SMC6: variants seen among roughly 807,000 people sequenced by gnomAD.
SMC6 encodes structural maintenance of chromosomes protein 6.
In SMC6, 79 loss-of-function variants were observed where a neutral mutation model predicts 142.2. The ratio of observed to expected loss-of-function variants is 0.56; its 90% CI spans 0.46 to 0.67. The LOEUF (loss-of-function observed/expected upper bound fraction) is 0.67, where lower values mean the gene tolerates loss of function less well. Ranked by LOEUF, SMC6 falls within the 30% of genes least tolerant of loss-of-function variation. SMC6 has a pLI of 0.00. For synonymous variants in SMC6, 411 were observed against 412.4 expected (o/e 1.00, Z 0.04); for missense variants, 1,072 against 1,284.0 (o/e 0.83, Z 2.52).
At chr2:17,716,597 G>A (rs892602416) in intron 14 of SMC6, 144 bp downstream of exon 14, 2 of 857,638 alleles carry the variant, frequency 2.3e-6, no homozygotes, top group South Asian at 4.0e-5. Flanking sequence ...GCTCTGCAAA[G>A]TATTTAACAT....
intron 21 of SMC6, among the ~76,000 whole-genome samples, chr2:17,697,945 G>C (rs913205876): frequency 3.0e-4 from 45 of 152,154 alleles, no homozygotes; most frequent in African/African-American, 1.1e-3. Flanking sequence ...ATGTGAACAT[G>C]ACTAGGCAAT....
chr2:17,715,205 T>C (rs1237976390), intron 15 of SMC6, 140 bp from the exon 16 acceptor site: 4 of 781,054 alleles, frequency 5.1e-6, no homozygotes, highest in Non-Finnish European at 8.1e-6. Context: ...CATTTAATCA[T>C]AGTTTATAAA....
intron 23 of SMC6, among the ~76,000 whole-genome samples, chr2:17,684,216 G>A (rs554321902): frequency 5.9e-5 from 9 of 152,128 alleles, no homozygotes; most frequent in Non-Finnish European, 1.3e-4. Flanking sequence ...AGGCAGAGAT[G>A]GCATGGCTAC....
chr2:17,673,996 C>T (rs1342080751), intron 25 of SMC6, among the ~76,000 whole-genome samples: 2 of 152,188 alleles, frequency 1.3e-5, no homozygotes, highest in Admixed American at 1.3e-4. Flanking sequence ...TTTATGCACA[C>T]AGGTAAGGTC....
At chr2:17,714,713 C>T in intron 16 of SMC6, 148 bp downstream of exon 16, 1 of 790,364 alleles carries the variant, frequency 1.3e-6, no homozygotes, top group Non-Finnish European at 2.0e-6. Flanking sequence ...ATGCCCAGAA[C>T]TAATACCTAG....
intron 22 of SMC6, among the ~76,000 whole-genome samples, chr2:17,695,609 T>C (rs1473211188): frequency 6.6e-6 from 1 of 152,170 alleles, no homozygotes. Flanking sequence ...CGAGGTGAGA[T>C]GTAGGTTTCC....
chr2:17,738,286 A>G lies in SMC6; in HGVS notation c.279T>C (p.Leu93=). The G allele has an allele frequency of 1.2e-6, 2 of 1,613,766 alleles. No individual in the cohort carries two copies. Among genetic ancestry groups the G allele is most frequent in the Middle Eastern group, 1.7e-4 (1 of 6,060 alleles). Residue 93 remains leucine (L), a synonymous_variant, in exon 5 of 28, where the codon CTT becomes CTC. Transcript: ENST00000448223. ...TATTAGTAGCAACTGCTCTTCCACC[A>G]AGACCGACTATGAGAGCTGTGAGTA... The part of the protein sequence containing the change: ...SAVLTALIVG[L]GGRAVATNRG...
chr2:17,678,698 C>A (rs559850393), intron 25 of SMC6, among the ~76,000 whole-genome samples, 161 bp downstream of exon 25: 2 of 151,984 alleles, frequency 1.3e-5, no homozygotes, highest in Admixed American at 1.3e-4. Flanking sequence ...GTCGCTTGAG[C>A]CTATGAGTTC....
intron 23 of SMC6, among the ~76,000 whole-genome samples, chr2:17,691,981 A>G (rs1413014549): frequency 6.6e-6 from 1 of 152,232 alleles, no homozygotes; most frequent in Non-Finnish European, 1.5e-5. Flanking sequence ...TAAAATACCT[A>G]GGAATCCAAC....
chr2:17,718,234 A>G lies in SMC6; in HGVS notation c.946-11T>C. ...CTCATTAAGTCTGACCTTTAAGAAAATAACATTATTGAAGTATATTTTTTC... is the reference window on the plus strand; with the variant it reads ...CTCATTAAGTCTGACCTTTAAGAAAGTAACATTATTGAAGTATATTTTTTC... On this transcript the variant is annotated splice_polypyrimidine_tract_variant and intron_variant, in intron 11 of 27. Transcript: ENST00000448223. 6.4e-7 allele frequency: 1 copy of G among 1,566,878 alleles called. No homozygotes were observed.
intron 6 of SMC6, 139 bp downstream of exon 6, chr2:17,731,602 G>C: frequency 1.3e-6 from 1 of 761,886 alleles, no homozygotes; most frequent in South Asian, 1.9e-5. Context: ...ATGCACGTGT[G>C]TGTGTGTGTG....
chr2:17,683,799 CCA>C (rs1383539078), intron 23 of SMC6, 36 bp from the exon 24 acceptor site: 1 of 1,579,180 alleles, frequency 6.3e-7, no homozygotes, highest in Non-Finnish European at 8.7e-7. Context: ...AAAAAATACA[CCA>C]CACGTAAAAA....
chr2:17,666,648 C>A (rs1289270355), intron 26 of SMC6, 131 bp from the exon 27 acceptor site: 4 of 662,178 alleles, frequency 6.0e-6, no homozygotes, highest in African/African-American at 5.5e-5. Context: ...CTATGATGTC[C>A]AAGAAATCTA....
intron 7 of SMC6, among the ~76,000 whole-genome samples, chr2:17,730,562 T>C (rs913899130): frequency 1.3e-5 from 2 of 151,962 alleles, no homozygotes; most frequent in Admixed American, 6.6e-5. Context: ...ATTAAAGGTG[T>C]TATATTATGT....
chr2:17,737,267 T>C (rs1320466814), intron 5 of SMC6, among the ~76,000 whole-genome samples: 4 of 152,194 alleles, frequency 2.6e-5, no homozygotes, highest in Non-Finnish European at 5.9e-5. Context: ...TTCTATTCTT[T>C]AGTAATAAAA....
intron 23 of SMC6, among the ~76,000 whole-genome samples, chr2:17,694,077 T>G (rs1459741285): frequency 6.6e-6 from 1 of 151,060 alleles, no homozygotes; most frequent in African/African-American, 2.4e-5. Context: ...GGTCATTGTA[T>G]TAAGTGAAAT....
chr2:17,711,791 G>GT (rs1668837771), intron 16 of SMC6, among the ~76,000 whole-genome samples: 1 of 151,992 alleles, frequency 6.6e-6, no homozygotes, highest in Non-Finnish European at 1.5e-5. Context: ...GTTTATTTTT[G>GT]TATCTTAGGT....
chr2:17,707,946 G>C (rs1418598688), intron 17 of SMC6, among the ~76,000 whole-genome samples: 3 of 150,624 alleles, frequency 2.0e-5, no homozygotes, highest in African/African-American at 7.3e-5. Flanking sequence ...TCTAAAATAT[G>C]AGTAGAACCC....
chr2:17,696,342 C>A lies in SMC6; in HGVS notation c.2479G>T (p.Asp827Tyr), dbSNP rs773140545. The change falls in exon 22 of 28, where the codon GAT becomes TAT. Residue 827 changes from aspartate (D) to tyrosine (Y), a missense_variant. Physicochemically the swap from Asp to Tyr is radical, Grantham distance 160. Transcript: ENST00000448223. ...HYEEKQKEHL[D>Y]TLNKKKRELD... Reference sequence around the variant, plus strand: ...TCTCGTTTCTTTTTATTTAAGGTATCCAAGTGTTCTTTTTGTTTTTCTTCA... The same window carrying A: ...TCTCGTTTCTTTTTATTTAAGGTATACAAGTGTTCTTTTTGTTTTTCTTCA... The A allele has an allele frequency of 2.5e-6, 4 of 1,609,574 alleles. No individual in the cohort carries two copies. The highest frequency in any genetic ancestry group is 1.3e-5 in the African/African-American group (1 of 74,502).
Sources: gnomAD v4.1 joint callset for allele counts (sites outside exome capture counted in the v4.1 genomes callset) on GRCh38, gnomAD v4.1.1 for gene constraint, MANE v1.5 for transcripts, NCBI Gene and HGNC (gene_info 2026-07-23, HGNC 2026-07-21) for gene names.